Variants in NELL1 observed in about 807,000 individuals in gnomAD.
NELL1 encodes the protein neural EGFL like 1, also known as protein kinase C-binding protein NELL1.
A neutral mutation model predicts 107.4 loss-of-function variants in NELL1; 76 were observed. The ratio of observed to expected loss-of-function variants is 0.71; its 90% CI spans 0.59 to 0.86. The LOEUF (loss-of-function observed/expected upper bound fraction) is 0.86, where lower values mean the gene tolerates loss of function less well. Ranked by LOEUF, NELL1 falls within the 40% of genes least tolerant of loss-of-function variation. NELL1 has a pLI of 0.00. For synonymous variants in NELL1, 353 were observed against 341.2 expected, an observed-to-expected ratio of 1.03 and a Z score of -0.38; for missense variants, 1,024 against 1,005.5, an observed-to-expected ratio of 1.02 and a Z score of -0.25.
chr11:21,424,061 C>T (rs757334491), intron 15 of NELL1, among the ~76,000 whole-genome samples: 3 of 152,074 alleles, frequency 2.0e-5, no homozygotes, highest in Non-Finnish European at 2.9e-5. Flanking sequence ...TTTATAACTT[C>T]AGGAGCTAGA....
intron 15 of NELL1, among the ~76,000 whole-genome samples, chr11:21,377,164 T>A (rs1945451): frequency 0.095 from 14,489 of 152,148 alleles, 777 homozygotes; most frequent in Admixed American, 0.15. Context: ...CCATTCAGTA[T>A]GATGTTGGCT....
chr11:20,825,692 G>T (rs1053913961), intron 3 of NELL1, among the ~76,000 whole-genome samples: 1 of 151,280 alleles, frequency 6.6e-6, no homozygotes, highest in Non-Finnish European at 1.5e-5. Context: ...CATTGTACAG[G>T]CTCATAGGTG....
chr11:21,048,132 A>ATTT (rs5790155), intron 12 of NELL1, among the ~76,000 whole-genome samples: 22 of 151,096 alleles, frequency 1.5e-4, no homozygotes, highest in East Asian at 5.9e-4. Flanking sequence ...GGAAACATCC[A>ATTT]TTTTTTTTTC....
At position 21,527,590 on chromosome 11, in the gene NELL1, A is replaced by G. The variant is rs561626501; in HGVS notation, c.1646-6784A>G. Among the ~76,000 whole-genome samples, 11 of 152,328 alleles carry G rather than the reference A, an allele frequency of 7.2e-5. No individual in the cohort carries two copies. In the East Asian group the frequency reaches 1.9e-3, roughly 27 times the overall value. On this transcript the variant is annotated intron_variant, in intron 15 of 19. Transcript: ENST00000357134. ...GGGAGTTTATTAGGAGAATTGACTC[A>G]CATGATCACAAGCTAAAGTCCCACA...
chr11:21,075,450 C>T (rs190911735), intron 12 of NELL1, among the ~76,000 whole-genome samples: 6 of 150,214 alleles, frequency 4.0e-5, no homozygotes, highest in African/African-American at 1.2e-4. Flanking sequence ...GTGGTTCATT[C>T]TCAGATCAGT....
intron 15 of NELL1, among the ~76,000 whole-genome samples, chr11:21,482,157 C>T (rs192705865): frequency 6.6e-6 from 1 of 152,128 alleles, no homozygotes; most frequent in Non-Finnish European, 1.5e-5. Context: ...TAGCAGAAAC[C>T]AGAGTAGGCA....
chr11:21,068,331 G>C (rs1853930772), intron 12 of NELL1, among the ~76,000 whole-genome samples: 1 of 152,028 alleles, frequency 6.6e-6, no homozygotes, highest in African/African-American at 2.4e-5. Flanking sequence ...CTCCATTTTA[G>C]AAATAAACAT....
rs1410765730 is a variant in NELL1, at chr11:20,825,848, G to T, written c.336-21735G>T. 3.3e-5 allele frequency among the ~76,000 whole-genome samples: 5 copies of T among 151,202 alleles called. No individual in the cohort carries two copies. The Admixed American group carries it at 3.3e-4, about 10-fold the overall frequency. ...CACATTTCAAACCTGGGAGGGGCCA[G>T]GGGTGGAATGATATGGTCCGGCTCT... is the stretch of plus-strand genomic sequence containing the variant. On this transcript the variant is annotated intron_variant, in intron 3 of 19. Transcript: ENST00000357134.
chr11:21,027,720 TCTGA>T (rs1311630751), intron 12 of NELL1, among the ~76,000 whole-genome samples: 13 of 152,220 alleles, frequency 8.5e-5, no homozygotes, highest in Non-Finnish European at 2.9e-5. Context: ...AAAAATAATT[TCTGA>T]CTGTTTACAG....
intron 2 of NELL1, among the ~76,000 whole-genome samples, chr11:20,692,713 G>T (rs1320873893): frequency 6.6e-6 from 1 of 152,030 alleles, no homozygotes; most frequent in East Asian, 1.9e-4. Context: ...CAACTATGTG[G>T]TCAATTTTGG....
At chr11:21,518,569 G>A (rs1190357636) in intron 15 of NELL1, among the ~76,000 whole-genome samples, 1 of 152,170 alleles carries the variant, frequency 6.6e-6, no homozygotes. Context: ...GGAAAATAAA[G>A]CATCATTCAG....
intron 4 of NELL1, among the ~76,000 whole-genome samples, chr11:20,879,203 C>CAG (rs919681431): frequency 2.0e-5 from 3 of 152,092 alleles, no homozygotes; most frequent in Non-Finnish European, 2.9e-5. Context: ...CAGCCACTAC[C>CAG]AGAGTCTTGA....
chr11:20,907,356 C>T (rs1469879661), intron 5 of NELL1, among the ~76,000 whole-genome samples: 8 of 151,284 alleles, frequency 5.3e-5, no homozygotes, highest in Non-Finnish European at 8.8e-5. Flanking sequence ...CCAGAGTATA[C>T]AAAGTACTCC....
intron 14 of NELL1, among the ~76,000 whole-genome samples, chr11:21,262,961 T>C (rs2133924683): frequency 6.6e-6 from 1 of 152,050 alleles, no homozygotes; most frequent in South Asian, 2.1e-4. Context: ...ATATTTGTCA[T>C]TTTCTTCTAA....
intron 5 of NELL1, among the ~76,000 whole-genome samples, chr11:20,894,229 T>C (rs914189739): frequency 2.6e-5 from 4 of 152,198 alleles, no homozygotes; most frequent in Non-Finnish European, 5.9e-5. Flanking sequence ...AAAAATACTT[T>C]TTAAATAAGA....
intron 15 of NELL1, among the ~76,000 whole-genome samples, chr11:21,505,336 C>G (rs1855253332): frequency 1.3e-5 from 2 of 152,212 alleles, no homozygotes; most frequent in South Asian, 4.1e-4. Flanking sequence ...AACACATGGA[C>G]TCTTGTCTCC....
At chr11:20,781,105 G>A (rs1856841706) in intron 2 of NELL1, among the ~76,000 whole-genome samples, 1 of 152,152 alleles carries the variant, frequency 6.6e-6, no homozygotes, top group Non-Finnish European at 1.5e-5. Flanking sequence ...AAGTGCCCTA[G>A]GGAGCAATGA....
intron 12 of NELL1, among the ~76,000 whole-genome samples, chr11:20,997,102 G>A (rs1415028815): frequency 6.6e-6 from 1 of 152,138 alleles, no homozygotes; most frequent in Non-Finnish European, 1.5e-5. Context: ...TGATTAAGAG[G>A]AAAAACACAT....
In NELL1 at chr11:20,739,159, T is replaced by C. The variant is rs895315554; in HGVS notation, c.185-44521T>C. 2.0e-5 allele frequency among the ~76,000 whole-genome samples: 3 copies of C among 152,366 alleles called. No homozygotes were observed. In the East Asian group the frequency reaches 5.8e-4, roughly 29 times the overall value. On this transcript the variant is annotated intron_variant, in intron 2 of 19. Transcript: ENST00000357134. ...ACAGCTGTCCTTGTAGAAAGCTCTG[T>C]TGGACGCACTGCCTGACAAAGAGCA... is the stretch of plus-strand genomic sequence containing the variant.
Sources: gnomAD v4.1 joint callset for allele counts (sites outside exome capture counted in the v4.1 genomes callset) on GRCh38, gnomAD v4.1.1 for gene constraint, MANE v1.5 for transcripts, NCBI Gene and HGNC (gene_info 2026-07-23, HGNC 2026-07-21) for gene names.